Variants in USP31 observed in about 807,000 individuals in gnomAD.
USP31 encodes the protein ubiquitin specific peptidase 31.
USP31 carries 44 observed loss-of-function variants against 119.4 expected under a neutral mutation model. The observed-to-expected ratio is 0.37, with a 90% CI of 0.29 to 0.47. The LOEUF (loss-of-function observed/expected upper bound fraction) is 0.47. Among genes scored for constraint, USP31 ranks in the 20% least tolerant of loss-of-function variants. The probability of loss-of-function intolerance (pLI) is 0.99; values close to 1 mark genes in which losing one functional copy is unlikely to be tolerated. For missense variants in USP31, 1,643 were observed against 1,730.2 expected (o/e 0.95, Z 0.89); for synonymous variants, 749 against 705.6 (o/e 1.06, Z -0.97).
At chr16:23,125,253 A>T (rs1242543902) in intron 1 of USP31, among the ~76,000 whole-genome samples, 2 of 152,212 alleles carry the variant, frequency 1.3e-5, no homozygotes, top group Non-Finnish European at 2.9e-5. Flanking sequence ...AGGCTCAGTG[A>T]CCTGCCCAAG....
intron 13 of USP31, among the ~76,000 whole-genome samples, chr16:23,075,884 GAGACCAGTCTGGACAACATAGTAT>G (rs1900550781): frequency 6.6e-6 from 1 of 152,114 alleles, no homozygotes; most frequent in African/African-American, 2.4e-5. Flanking sequence ...TATGGAGTTC[GAGACCAGTCTGGACAACATAGTAT>G]AGGCCCTGAC....
intron 1 of USP31, among the ~76,000 whole-genome samples, chr16:23,131,331 T>C (rs1462885111): frequency 1.3e-5 from 2 of 152,052 alleles, no homozygotes; most frequent in Non-Finnish European, 2.9e-5. Flanking sequence ...TGTATTTTAT[T>C]TTAGTTTTGT....
At chr16:23,113,753 G>A (rs1902397691) in intron 1 of USP31, among the ~76,000 whole-genome samples, 1 of 152,156 alleles carries the variant, frequency 6.6e-6, no homozygotes, top group African/African-American at 2.4e-5. Flanking sequence ...GGACCTTCAG[G>A]AGCAGAGGGA....
chr16:23,062,468 T>C lies in USP31; in HGVS notation c.*5578A>G, dbSNP rs1305605689. 6.6e-6 allele frequency: 1 copy of C among 152,300 alleles called. No homozygotes were observed. Among genetic ancestry groups the C allele is most frequent in the Non-Finnish European group, 1.5e-5 (1 of 67,952 alleles). 9.4% of individuals were successfully genotyped at this position (152,300 alleles called of 1,614,324 possible). A position where few individuals can be genotyped will look rare whatever the true frequency, so the allele number is the denominator to read the frequency against. The stretch of plus-strand genomic sequence containing the variant: ...GAAACCACATTCTGGATAAGAACTA[T>C]CCTAGAGAATGAGCAAAAGTAGGAA... On this transcript the variant is annotated 3_prime_UTR_variant, in exon 16 of 16. Transcript: ENST00000219689.
At chr16:23,146,865 C>T (rs1903524954) in intron 1 of USP31, among the ~76,000 whole-genome samples, 1 of 151,718 alleles carries the variant, frequency 6.6e-6, no homozygotes, top group South Asian at 2.1e-4. Flanking sequence ...GTACCTTTTG[C>T]CATGAATTGA....
At chr16:23,088,793 T>C (rs952122077) in intron 7 of USP31, among the ~76,000 whole-genome samples, 2 of 152,252 alleles carry the variant, frequency 1.3e-5, no homozygotes, top group African/African-American at 4.8e-5. Context: ...AGTTATTTGA[T>C]AGCAAGCACT....
At chr16:23,089,282 C>T (rs1380053525) in intron 7 of USP31, among the ~76,000 whole-genome samples, 1 of 152,170 alleles carries the variant, frequency 6.6e-6, no homozygotes, top group Non-Finnish European at 1.5e-5. Flanking sequence ...TCCCTGACCT[C>T]CCTTCCTAAT....
intron 6 of USP31, among the ~76,000 whole-genome samples, chr16:23,101,678 A>G (rs970161018): frequency 3.3e-5 from 5 of 152,126 alleles, no homozygotes; most frequent in Non-Finnish European, 5.9e-5. Flanking sequence ...GGGTAGAGCA[A>G]AAGAAGAGGA....
intron 1 of USP31, among the ~76,000 whole-genome samples, chr16:23,142,416 A>G (rs1171786543): frequency 6.6e-6 from 1 of 152,220 alleles, no homozygotes; most frequent in African/African-American, 2.4e-5. Context: ...ATTCAGCACC[A>G]CAGTCTCAGA....
chr16:23,102,012 T>C lies in USP31; in HGVS notation c.1234+307A>G, dbSNP rs16976464. ...AAAAAAAAACCTATGGCATAGTATA[T>C]CTTCCTGAATGTCATGATAAGATGC... On this transcript the variant is annotated intron_variant, in intron 6 of 15. Coordinates refer to ENST00000219689, the MANE Select transcript of USP31 (RefSeq NM_020718.4). Among the ~76,000 whole-genome samples the C allele has an allele frequency of 2.2e-3, 320 of 142,994 alleles. 3 individuals are homozygous for C. The highest frequency in any genetic ancestry group is 7.5e-3 in the African/African-American group (295 of 39,092). The allele number at this position is 142,994 out of a possible 152,430, so 93.8% of individuals were successfully genotyped here.
rs1900109841 is a variant in USP31, at chr16:23,067,203, A to T, written c.*843T>A. ...CTCTACTACAGTGCAAAATTCCAAG[A>T]GCCTTAGCTAGTAATTTCAGAAGGA... On this transcript the variant is annotated 3_prime_UTR_variant, in exon 16 of 16. Transcript: ENST00000219689. 1 of 152,644 alleles carries T rather than the reference A, an allele frequency of 6.6e-6. No homozygotes were observed. The highest frequency in any genetic ancestry group is 6.5e-5 in the Admixed American group (1 of 15,290). The allele number at this position is 152,644 out of a possible 1,614,324, so 9.5% of individuals were successfully genotyped here.
At position 23,066,432 on chromosome 16, in the gene USP31, TGCA is replaced by T. The variant is rs1025156831; in HGVS notation, c.*1611_*1613del. ...GGGGGAAAAAAGAAAAAAAAAGTAGTGCAGAATTCACAGCTATGCATGCATATG... is the reference window on the plus strand; with the variant it reads ...GGGGGAAAAAAGAAAAAAAAAGTAGTGAATTCACAGCTATGCATGCATATG... On this transcript the variant is annotated 3_prime_UTR_variant, in exon 16 of 16. Coordinates refer to ENST00000219689, the MANE Select transcript of USP31 (RefSeq NM_020718.4). The T allele has an allele frequency of 2.0e-5, 3 of 152,434 alleles. No individual in the cohort carries two copies. The highest frequency in any genetic ancestry group is 2.1e-4 in the South Asian group (1 of 4,820). 9.4% of individuals were successfully genotyped at this position (152,434 alleles called of 1,614,324 possible). A position where few individuals can be genotyped will look rare whatever the true frequency, so the allele number is the denominator to read the frequency against.
chr16:23,088,874 G>A (rs971587659), intron 7 of USP31, among the ~76,000 whole-genome samples: 1 of 152,174 alleles, frequency 6.6e-6, no homozygotes, highest in African/African-American at 2.4e-5. Flanking sequence ...ATGAACAAAT[G>A]ATCTAACAGA....
At position 23,134,099 on chromosome 16, in the gene USP31, A is replaced by T. The variant is rs868849405; in HGVS notation, c.633+14539T>A. Among the ~76,000 whole-genome samples, 172 of 140,596 alleles carry T rather than the reference A, an allele frequency of 1.2e-3. 1 individual carries two copies. The highest frequency in any genetic ancestry group is 3.5e-3 in the African/African-American group (141 of 40,434). 92.2% of individuals were successfully genotyped at this position (140,596 alleles called of 152,430 possible). ...CTCTCTCTCTCTCTCTCACACACAC[A>T]CACACACACACACACACACACACAA... On this transcript the variant is annotated intron_variant, in intron 1 of 15. Coordinates refer to ENST00000219689, the MANE Select transcript of USP31 (RefSeq NM_020718.4).
chr16:23,071,180 A>T (rs1434443016), intron 15 of USP31, among the ~76,000 whole-genome samples: 3 of 152,208 alleles, frequency 2.0e-5, no homozygotes, highest in African/African-American at 7.2e-5. Flanking sequence ...AGCTAGAGCT[A>T]TGGTGCAGCT....
At chr16:23,144,702 G>C (rs1481468244) in intron 1 of USP31, among the ~76,000 whole-genome samples, 1 of 152,014 alleles carries the variant, frequency 6.6e-6, no homozygotes, top group Non-Finnish European at 1.5e-5. Flanking sequence ...GGCTGGTCTG[G>C]AACTATTGGT....
intron 6 of USP31, among the ~76,000 whole-genome samples, chr16:23,095,045 T>C (rs764687093): frequency 9.9e-5 from 15 of 152,124 alleles, no homozygotes; most frequent in Non-Finnish European, 1.9e-4. Flanking sequence ...AGGTTGGTTC[T>C]CTGAGCTAAA....
chr16:23,087,247 G>A, intron 8 of USP31, 61 bp from the exon 9 acceptor site: 1 of 1,453,492 alleles, frequency 6.9e-7, no homozygotes, highest in Non-Finnish European at 9.6e-7. Flanking sequence ...CTGTTTCACA[G>A]TGGCATTTCC....
chr16:23,106,131 T>C, intron 4 of USP31, 82 bp downstream of exon 4: 1 of 1,438,850 alleles, frequency 6.9e-7, no homozygotes, highest in African/African-American at 1.4e-5. Flanking sequence ...TCTAAATAAG[T>C]AAGAAGACCT....
Sources: allele counts gnomAD v4.1 joint callset (sites outside exome capture counted in the v4.1 genomes callset), GRCh38; gene constraint gnomAD v4.1.1; transcripts MANE v1.5; gene names NCBI Gene and HGNC (gene_info 2026-07-23, HGNC 2026-07-21).